Variants in TAF1B observed in about 807,000 individuals in gnomAD.
The protein encoded by TAF1B is TATA box-binding protein-associated factor RNA polymerase I subunit B.
Under a neutral mutation model 83.9 loss-of-function variants are expected in TAF1B, and 61 were observed. The ratio of observed to expected loss-of-function variants is 0.73; its 90% confidence interval spans 0.59 to 0.90. TAF1B has a LOEUF of 0.90. Ranked by LOEUF, TAF1B falls within the 40% of genes least tolerant of loss-of-function variation. TAF1B has a pLI of 0.00. For missense variants in TAF1B, 625 were observed against 677.0 expected, an observed-to-expected ratio of 0.92 and a Z score of 0.85; for synonymous variants, 221 against 224.6, an observed-to-expected ratio of 0.98 and a Z score of 0.14.
intron 13 of TAF1B, among the ~76,000 whole-genome samples, 157 bp from the exon 14 acceptor site, chr2:9,919,441 G>A (rs1398019559): frequency 4.6e-5 from 7 of 152,156 alleles, no homozygotes; most frequent in African/African-American, 1.7e-4. Context: ...ACCTCATCCA[G>A]TTTCATTTTC....
At chr2:9,854,574 G>T (rs903631157) in intron 5 of TAF1B, among the ~76,000 whole-genome samples, 153 bp downstream of exon 5, 4 of 152,182 alleles carry the variant, frequency 2.6e-5, no homozygotes, top group Admixed American at 2.0e-4. Flanking sequence ...AGAGGACGGG[G>T]TCACTGATTT....
At chr2:9,882,654 T>C (rs1464630606) in intron 7 of TAF1B, 52 bp from the exon 8 acceptor site, 3 of 1,193,840 alleles carry the variant, frequency 2.5e-6, no homozygotes, top group Non-Finnish European at 3.5e-6. Context: ...GCATTTACTC[T>C]GCTATATCAG....
rs1409717949 is a variant in TAF1B at position 9,933,854 on chromosome 2, T to C, written c.1637T>C (p.Phe546Ser). The change falls in exon 15 of 15, where the codon TTC (phenylalanine) becomes TCC (serine). Residue 546 changes from phenylalanine (F) to serine (S), a missense_variant. Phe to Ser is a radical substitution (Grantham distance 155). Transcript: ENST00000263663. ...AGTTATCAGTTTATACTAAATCTCT[T>C]CTCCTTCCTGCTCAGAATAAAGACT... is the stretch of plus-strand genomic sequence containing the variant. ...SLSYQFILNL[F>S]SFLLRIKTSL... 6.2e-7 allele frequency: 1 copy of C among 1,613,906 alleles called. No homozygotes were observed.
At chr2:9,857,187 C>A (rs1663591703) in intron 5 of TAF1B, among the ~76,000 whole-genome samples, 1 of 152,052 alleles carries the variant, frequency 6.6e-6, no homozygotes, top group Non-Finnish European at 1.5e-5. Flanking sequence ...GCAAGAAATG[C>A]AGAATTTCAG....
chr2:9,868,726 G>T, intron 6 of TAF1B: 1 of 545,902 alleles, frequency 1.8e-6, no homozygotes, highest in South Asian at 1.6e-5. Flanking sequence ...ATATGTGTGG[G>T]CTCAGCGTCT....
chr2:9,923,728 G>A (rs375687283), intron 14 of TAF1B, among the ~76,000 whole-genome samples: 47 of 152,278 alleles, frequency 3.1e-4, no homozygotes, highest in Admixed American at 1.4e-3. Flanking sequence ...TAGCAGCCAC[G>A]GGGAAAGGCC....
At chr2:9,907,626 AC>A (rs1665385888) in intron 9 of TAF1B, among the ~76,000 whole-genome samples, 1 of 151,678 alleles carries the variant, frequency 6.6e-6, no homozygotes, top group African/African-American at 2.4e-5. Flanking sequence ...TGCACTCTCC[AC>A]CCTCTACTAT....
intron 2 of TAF1B, 92 bp from the exon 3 acceptor site, chr2:9,849,281 T>C (rs1663305197): frequency 1.1e-6 from 1 of 891,610 alleles, no homozygotes; most frequent in South Asian, 1.7e-5. Context: ...CACTCACAAT[T>C]TGGTTTATTA....
intron 5 of TAF1B, among the ~76,000 whole-genome samples, chr2:9,863,736 T>A (rs1558237150): frequency 2.0e-5 from 3 of 152,162 alleles, no homozygotes; most frequent in Non-Finnish European, 4.4e-5. Flanking sequence ...ACAGAAATTA[T>A]AACAAACTGT....
chr2:9,885,765 T>C (rs1266633540), intron 8 of TAF1B, among the ~76,000 whole-genome samples: 1 of 150,422 alleles, frequency 6.6e-6, no homozygotes, highest in East Asian at 2.0e-4. Context: ...TTTGTCCTTC[T>C]CTCCCTTAAT....
chr2:9,918,937 CAG>C, intron 12 of TAF1B, 102 bp from the exon 13 acceptor site: 1 of 1,026,400 alleles, frequency 9.7e-7, no homozygotes, highest in Non-Finnish European at 1.5e-6. Flanking sequence ...CATTCCAAGC[CAG>C]AGCTATAACG....
At chr2:9,882,895 T>C in intron 8 of TAF1B, 90 bp downstream of exon 8, 1 of 897,008 alleles carries the variant, frequency 1.1e-6, no homozygotes, top group Admixed American at 2.6e-5. Context: ...TATTATTTGG[T>C]GTTTTGTGTT....
At chr2:9,868,179 C>A in intron 5 of TAF1B, 97 bp from the exon 6 acceptor site, 7 of 1,176,936 alleles carry the variant, frequency 5.9e-6, no homozygotes, top group Admixed American at 2.3e-5. Flanking sequence ...AGAGTGGTTT[C>A]TTTTAGGGTG....
chr2:9,913,385 CTAAT>C (rs1373316640), intron 12 of TAF1B, 136 bp downstream of exon 12: 4 of 573,004 alleles, frequency 7.0e-6, no homozygotes, highest in East Asian at 2.9e-5. Context: ...GCCCTACACT[CTAAT>C]TAACTTTTCT....
intron 7 of TAF1B, among the ~76,000 whole-genome samples, chr2:9,880,637 T>C (rs1664476206): frequency 6.6e-6 from 1 of 152,082 alleles, no homozygotes; most frequent in African/African-American, 2.4e-5. Flanking sequence ...CTTGAGACAG[T>C]GTCTCTACTG....
intron 5 of TAF1B, among the ~76,000 whole-genome samples, chr2:9,867,369 A>G (rs1245089226): frequency 3.9e-5 from 6 of 152,238 alleles, no homozygotes; most frequent in African/African-American, 1.4e-4. Context: ...CTCTGTGTTC[A>G]TGCTCATCAG....
intron 5 of TAF1B, among the ~76,000 whole-genome samples, chr2:9,855,936 A>C (rs972538172): frequency 6.6e-6 from 1 of 152,202 alleles, no homozygotes; most frequent in Non-Finnish European, 1.5e-5. Flanking sequence ...CTTGCACCGT[A>C]GTAAAGTCAA....
chr2:9,869,881 A>G (rs1558241151), intron 6 of TAF1B, among the ~76,000 whole-genome samples: 1 of 152,086 alleles, frequency 6.6e-6, no homozygotes, highest in African/African-American at 2.4e-5. Context: ...CAAAAAAAAA[A>G]GAAGTAATTA....
chr2:9,887,681 G>A (rs1056755821), intron 8 of TAF1B, among the ~76,000 whole-genome samples: 5 of 151,950 alleles, frequency 3.3e-5, no homozygotes, highest in Admixed American at 2.0e-4. Context: ...ACATCTAATT[G>A]ATAATCTCTG....
Sources: allele counts gnomAD v4.1 joint callset (sites outside exome capture counted in the v4.1 genomes callset), GRCh38; gene constraint gnomAD v4.1.1; transcripts MANE v1.5; gene names NCBI Gene and HGNC (gene_info 2026-07-23, HGNC 2026-07-21).